PHIP: variants seen among roughly 807,000 people sequenced by gnomAD.
The protein encoded by PHIP is PH-interacting protein.
In PHIP, 54 loss-of-function variants were observed where a neutral mutation model predicts 236.8. That is an observed-to-expected ratio of 0.23 (90% CI 0.18 to 0.29). The LOEUF (loss-of-function observed/expected upper bound fraction) is 0.29. Ranked by LOEUF, PHIP falls within the 10% of genes least tolerant of loss-of-function variation. The pLI is 1.00. For synonymous variants in PHIP, 756 were observed against 718.9 expected, an observed-to-expected ratio of 1.05 and a Z score of -0.83; for missense variants, 1,370 against 2,190.8, an observed-to-expected ratio of 0.63 and a Z score of 7.48.
intron 4 of PHIP, among the ~76,000 whole-genome samples, chr6:79,077,129 C>T (rs1385892815): frequency 1.3e-5 from 2 of 151,996 alleles, no homozygotes; most frequent in East Asian, 3.9e-4. Flanking sequence ...CTCTCGCGCG[C>T]CCCCGCGCCC....
intron 23 of PHIP, among the ~76,000 whole-genome samples, chr6:78,981,625 C>T (rs1202982237): frequency 6.6e-6 from 1 of 151,956 alleles, no homozygotes; most frequent in African/African-American, 2.4e-5. Flanking sequence ...ATGAAGCAAA[C>T]TGTACTCTTG....
chr6:79,041,292 T>G (rs1295961300), intron 7 of PHIP, among the ~76,000 whole-genome samples: 3 of 152,082 alleles, frequency 2.0e-5, no homozygotes, highest in African/African-American at 7.2e-5. Flanking sequence ...CTCTTCCAAG[T>G]CTGTACCTAC....
At chr6:79,025,786 A>T (rs1040780836) in intron 8 of PHIP, among the ~76,000 whole-genome samples, 157 bp downstream of exon 8, 10 of 152,178 alleles carry the variant, frequency 6.6e-5, no homozygotes, top group Non-Finnish European at 5.9e-5. Context: ...AAGCAGACAT[A>T]CTCCTGTCTT....
At chr6:79,003,035 T>C (rs1309350156) in intron 16 of PHIP, among the ~76,000 whole-genome samples, 1 of 152,134 alleles carries the variant, frequency 6.6e-6, no homozygotes, top group Non-Finnish European at 1.5e-5. Context: ...TTTACTATCA[T>C]AACCTTTTAT....
At chr6:78,978,878 A>G (rs1367017589) in intron 23 of PHIP, among the ~76,000 whole-genome samples, 167 bp from the exon 24 acceptor site, 1 of 152,174 alleles carries the variant, frequency 6.6e-6, no homozygotes, top group Non-Finnish European at 1.5e-5. Context: ...ACATCCATGC[A>G]TTCAACCAAC....
intron 4 of PHIP, among the ~76,000 whole-genome samples, chr6:79,077,026 G>C (rs1012690588): frequency 1.3e-5 from 2 of 152,092 alleles, no homozygotes; most frequent in Non-Finnish European, 2.9e-5. Flanking sequence ...TATTGTGTAG[G>C]GCAGGAGAAA....
intron 18 of PHIP, 34 bp downstream of exon 18, chr6:78,998,220 T>C (rs760841464): frequency 1.3e-6 from 2 of 1,574,506 alleles, no homozygotes; most frequent in Non-Finnish European, 1.7e-6. Flanking sequence ...TTCAAATTTT[T>C]AAATATTTCA....
rs1228677058 is a variant in PHIP, at chr6:78,966,475, CAATCA to C, written c.3206-424_3206-420del. Among the ~76,000 whole-genome samples the C allele has an allele frequency of 3.9e-5, 6 of 152,256 alleles. No homozygotes were observed. The East Asian group carries it at 1.2e-3, about 29-fold the overall frequency. On this transcript the variant is annotated intron_variant, in intron 27 of 39. Coordinates refer to ENST00000275034, the MANE Select transcript of PHIP (RefSeq NM_017934.7). ...TAAGCAAGTTTCCCCAACCAACAATCAATCAAGACTCCACGCTAAAAACAACAAAC... is the reference window on the plus strand; with the variant it reads ...TAAGCAAGTTTCCCCAACCAACAATCAGACTCCACGCTAAAAACAACAAAC...
At chr6:79,069,181 T>C (rs1773769515) in intron 4 of PHIP, among the ~76,000 whole-genome samples, 1 of 148,066 alleles carries the variant, frequency 6.8e-6, no homozygotes, top group Non-Finnish European at 1.5e-5. Context: ...TATATTTTAT[T>C]ATTTATAATA....
At chr6:78,944,765 C>T (rs937910405) in intron 39 of PHIP, among the ~76,000 whole-genome samples, 1 of 152,134 alleles carries the variant, frequency 6.6e-6, no homozygotes, top group Non-Finnish European at 1.5e-5. Context: ...TATTATTGGG[C>T]TGTCTGCTGC....
At chr6:79,045,190 A>C (rs1772417424) in intron 6 of PHIP, among the ~76,000 whole-genome samples, 1 of 152,178 alleles carries the variant, frequency 6.6e-6, no homozygotes, top group Non-Finnish European at 1.5e-5. Context: ...TGTTAACAGC[A>C]CTAAAAAATA....
chr6:78,940,846 T>C lies in PHIP; in HGVS notation c.5313A>G (p.Gln1771=), dbSNP rs1270299043. The C allele has an allele frequency of 6.2e-7, 1 of 1,613,904 alleles. No homozygotes were observed. Among genetic ancestry groups the C allele is most frequent in the Admixed American group, 1.7e-5 (1 of 60,000 alleles). ...GSEPHMRTRN[Q]GRRTAFYNED... is the part of the protein sequence containing the mutation. ...CATTATAGAAAGCTGTCCTTCGACC[T>C]TGATTTCTAGTTCTCATGTGGGGTT... The change falls in exon 40 of 40, where the codon CAA becomes CAG. Residue 1771 remains glutamine (Q), a synonymous_variant. Transcript: ENST00000275034.
chr6:79,003,826 G>A lies in PHIP; in HGVS notation c.1557C>T (p.Asp519=). Reference sequence around the variant, plus strand: ...GCTGACCATCAGGAGAGCATTTGCAGTCAAATACTGCGCCATGTCCTTGGC... The same window carrying A: ...GCTGACCATCAGGAGAGCATTTGCAATCAAATACTGCGCCATGTCCTTGGC... ...IEGQGHGAVF[D]CKCSPDGQHF... is the part of the protein sequence containing the mutation. Residue 519 remains aspartate, a synonymous_variant, in exon 16 of 40, where the codon GAC becomes GAT. Transcript: ENST00000275034. 3.7e-6 allele frequency: 6 copies of A among 1,608,694 alleles called. No homozygotes were observed. Among genetic ancestry groups the A allele is most frequent in the African/African-American group, 1.3e-5 (1 of 74,740 alleles).
chr6:78,958,440 A>C, intron 32 of PHIP, 35 bp downstream of exon 32: 1 of 1,237,788 alleles, frequency 8.1e-7, no homozygotes, highest in Non-Finnish European at 1.2e-6. Context: ...TTAATTATTA[A>C]AACTATCATA....
intron 22 of PHIP, among the ~76,000 whole-genome samples, chr6:78,983,461 CACTTT>C (rs1162436919): frequency 6.6e-6 from 1 of 152,114 alleles, no homozygotes; most frequent in South Asian, 2.1e-4. Flanking sequence ...AAGAGGGGGT[CACTTT>C]TCTCAGTTCT....
chr6:79,013,405 T>C (rs1331531939), intron 15 of PHIP, among the ~76,000 whole-genome samples: 2 of 151,798 alleles, frequency 1.3e-5, no homozygotes, highest in African/African-American at 4.8e-5. Flanking sequence ...TTGTTTCTTC[T>C]GCTCTTTAGA....
At position 79,074,427 on chromosome 6, in the gene PHIP, G is replaced by T. The variant is rs140341366; in HGVS notation, c.189+3021C>A. Among the ~76,000 whole-genome samples, 267 of 151,910 alleles carry T rather than the reference G, an allele frequency of 1.8e-3. 1 individual carries two copies. Among genetic ancestry groups the T allele is most frequent in the African/African-American group, 6.1e-3 (253 of 41,468 alleles). Reference sequence around the variant, plus strand: ...TAACTAGATTCACTATTCAAACTAAGAAATAAACAAATGACAAAGCTTTCC... The same window carrying T: ...TAACTAGATTCACTATTCAAACTAATAAATAAACAAATGACAAAGCTTTCC... On this transcript the variant is annotated intron_variant, in intron 4 of 39. Coordinates refer to ENST00000275034, the MANE Select transcript of PHIP (RefSeq NM_017934.7).
chr6:78,945,852 CTTTT>C lies in PHIP; in HGVS notation c.4630+145_4630+148del, dbSNP rs898858795. ...TCAATTTAATTCTTCTTATTAAAAA[CTTTT>C]TTTTAAAATAGGAAATTAATAAAGA... On this transcript the variant is annotated intron_variant, in intron 38 of 39. Transcript: ENST00000275034. 8 of 660,036 alleles carry C rather than the reference CTTTT, an allele frequency of 1.2e-5. No individual in the cohort carries two copies. In the African/African-American group the frequency reaches 1.5e-4, roughly 12 times the overall value. 40.9% of individuals were successfully genotyped at this position (660,036 alleles called of 1,614,324 possible).
At chr6:78,954,019 A>C (rs1438738426) in intron 35 of PHIP, among the ~76,000 whole-genome samples, 3 of 152,228 alleles carry the variant, frequency 2.0e-5, no homozygotes, top group Non-Finnish European at 4.4e-5. Context: ...CATGTATTCC[A>C]TAAAGATTAC....
Sources: gnomAD v4.1 joint callset for allele counts (sites outside exome capture counted in the v4.1 genomes callset) on GRCh38, gnomAD v4.1.1 for gene constraint, MANE v1.5 for transcripts, NCBI Gene and HGNC (gene_info 2026-07-23, HGNC 2026-07-21) for gene names.